BBOX1: variants seen among roughly 807,000 people sequenced by gnomAD.
BBOX1 encodes the protein gamma-butyrobetaine dioxygenase.
Under a neutral mutation model 41.6 loss-of-function variants are expected in BBOX1, and 35 were observed. That is an observed-to-expected ratio of 0.84 (90% CI 0.64 to 1.11). The LOEUF is 1.11. Among genes scored for constraint, BBOX1 ranks in the 50% most tolerant of loss-of-function variants. BBOX1 has a pLI of 0.00. For missense variants in BBOX1, 458 were observed against 460.6 expected, an observed-to-expected ratio of 0.99 and a Z score of 0.05; for synonymous variants, 163 against 154.7, an observed-to-expected ratio of 1.05 and a Z score of -0.40.
intron 7 of BBOX1, among the ~76,000 whole-genome samples, chr11:27,122,533 T>C (rs575015407): frequency 6.6e-6 from 1 of 152,242 alleles, no homozygotes; most frequent in Non-Finnish European, 1.5e-5. Context: ...CTATTTCAGG[T>C]CTGAATTTCT....
chr11:27,089,945 A>C (rs188798234), intron 4 of BBOX1, among the ~76,000 whole-genome samples: 1 of 152,056 alleles, frequency 6.6e-6, no homozygotes, highest in Admixed American at 6.6e-5. Flanking sequence ...AATTGGTATC[A>C]GATATTACAA....
intron 5 of BBOX1, among the ~76,000 whole-genome samples, chr11:27,095,668 C>T (rs1488557837): frequency 6.6e-6 from 1 of 151,994 alleles, no homozygotes; most frequent in Admixed American, 6.6e-5. Flanking sequence ...TTATCAAGAT[C>T]TCTCTACATA....
chr11:27,073,166 C>T (rs529778328), intron 4 of BBOX1, among the ~76,000 whole-genome samples: 1 of 152,164 alleles, frequency 6.6e-6, no homozygotes, highest in Non-Finnish European at 1.5e-5. Flanking sequence ...ATCTACTCAT[C>T]TGACAAAGGG....
intron 5 of BBOX1, among the ~76,000 whole-genome samples, chr11:27,104,551 G>T (rs142913034): frequency 6.6e-6 from 1 of 151,880 alleles, no homozygotes; most frequent in African/African-American, 2.4e-5. Flanking sequence ...ATATCTTTAG[G>T]TCTTGTGGAG....
intron 4 of BBOX1, among the ~76,000 whole-genome samples, chr11:27,059,332 G>T (rs1857072859): frequency 6.6e-6 from 1 of 152,238 alleles, no homozygotes; most frequent in Non-Finnish European, 1.5e-5. Context: ...TTCAGAGGAT[G>T]TATTATGTTG....
chr11:27,090,385 A>G (rs1394307144), intron 4 of BBOX1, among the ~76,000 whole-genome samples: 1 of 151,868 alleles, frequency 6.6e-6, no homozygotes, highest in African/African-American at 2.4e-5. Flanking sequence ...AGTTTTTATT[A>G]AGGGTTTCAA....
chr11:27,110,111 G>A (rs1590219923), intron 5 of BBOX1, among the ~76,000 whole-genome samples: 1 of 151,906 alleles, frequency 6.6e-6, no homozygotes, highest in South Asian at 2.1e-4. Flanking sequence ...ATTTATCAGA[G>A]AATCCTGATA....
chr11:27,066,054 A>G (rs1475779170), intron 4 of BBOX1, among the ~76,000 whole-genome samples: 1 of 152,228 alleles, frequency 6.6e-6, no homozygotes, highest in East Asian at 1.9e-4. Context: ...TAAGGAAAAT[A>G]TTCTAATGTT....
At chr11:27,055,207 G>GT (rs1856941364) in intron 2 of BBOX1, 186 bp from the exon 3 acceptor site, 1 of 454,832 alleles carries the variant, frequency 2.2e-6, no homozygotes. Context: ...TAGTCACTGT[G>GT]TTTCTGCTTA....
At chr11:27,109,696 G>T (rs1408186701) in intron 5 of BBOX1, among the ~76,000 whole-genome samples, 1 of 152,014 alleles carries the variant, frequency 6.6e-6, no homozygotes. Flanking sequence ...GATCAGCAGC[G>T]CTGAATTCTA....
chr11:27,111,993 T>G (rs1047119196), intron 5 of BBOX1, among the ~76,000 whole-genome samples: 1 of 151,984 alleles, frequency 6.6e-6, no homozygotes, highest in Non-Finnish European at 1.5e-5. Context: ...GCGTTATGTG[T>G]CTGGCAATAC....
chr11:27,101,647 A>G (rs926902485), intron 5 of BBOX1, among the ~76,000 whole-genome samples: 1 of 151,988 alleles, frequency 6.6e-6, no homozygotes, highest in Non-Finnish European at 1.5e-5. Context: ...TATTAATGGC[A>G]GTATTATTAA....
At chr11:27,049,483 C>T (rs1423382712) in intron 2 of BBOX1, among the ~76,000 whole-genome samples, 6 of 152,230 alleles carry the variant, frequency 3.9e-5, no homozygotes, top group Non-Finnish European at 5.9e-5. Context: ...CTCCTGAGTT[C>T]AAGCAATCCT....
intron 5 of BBOX1, among the ~76,000 whole-genome samples, chr11:27,100,142 A>C (rs906260987): frequency 6.6e-6 from 1 of 152,202 alleles, no homozygotes; most frequent in East Asian, 1.9e-4. Flanking sequence ...TACAAGTGAA[A>C]AATATTACTA....
chr11:27,077,789 G>A, intron 4 of BBOX1, among the ~76,000 whole-genome samples: 1 of 151,954 alleles, frequency 6.6e-6, no homozygotes, highest in Non-Finnish European at 1.5e-5. Flanking sequence ...ATTTAAGTTA[G>A]GCTTATGGAG....
chr11:27,080,333 A>G (rs1199456282), intron 4 of BBOX1, among the ~76,000 whole-genome samples: 1 of 152,066 alleles, frequency 6.6e-6, no homozygotes, highest in Non-Finnish European at 1.5e-5. Flanking sequence ...CACTACCATT[A>G]CTACACTGAA....
At chr11:27,093,135 C>T (rs1030713261) in intron 4 of BBOX1, 33 bp from the exon 5 acceptor site, 1 of 1,583,880 alleles carries the variant, frequency 6.3e-7, no homozygotes. Context: ...AGAATGTAAT[C>T]CCATCTGATT....
At chr11:27,052,210 G>A (rs1344713958) in intron 2 of BBOX1, among the ~76,000 whole-genome samples, 2 of 152,088 alleles carry the variant, frequency 1.3e-5, no homozygotes, top group East Asian at 3.9e-4. Context: ...AACTTTTTGT[G>A]AGAATATAAA....
intron 7 of BBOX1, among the ~76,000 whole-genome samples, chr11:27,122,396 T>A (rs904921830): frequency 6.6e-6 from 1 of 152,098 alleles, no homozygotes; most frequent in African/African-American, 2.4e-5. Flanking sequence ...CCACACATGA[T>A]TGAAGTAGGA....
Sources: allele counts gnomAD v4.1 joint callset (sites outside exome capture counted in the v4.1 genomes callset), GRCh38; gene constraint gnomAD v4.1.1; transcripts MANE v1.5; gene names NCBI Gene and HGNC (gene_info 2026-07-23, HGNC 2026-07-21).